Variants in PIK3C2G observed in about 807,000 individuals in gnomAD.
PIK3C2G encodes phosphatidylinositol 3-kinase C2 domain-containing subunit gamma.
Under a neutral mutation model 181.1 loss-of-function variants are expected in PIK3C2G, and 168 were observed. That is an observed-to-expected ratio of 0.93 (90% CI 0.82 to 1.05). The LOEUF (loss-of-function observed/expected upper bound fraction) is 1.05, where lower values mean the gene tolerates loss of function less well. Ranked by LOEUF, PIK3C2G falls within the 50% of genes least tolerant of loss-of-function variation. The pLI, the probability that PIK3C2G is intolerant of heterozygous loss-of-function variation, is 0.00. For synonymous variants in PIK3C2G, 573 were observed against 592.2 expected (o/e 0.97, Z 0.47); for missense variants, 1,869 against 1,732.8 (o/e 1.08, Z -1.40).
intron 10 of PIK3C2G, 37 bp downstream of exon 10, chr12:18,343,397 GAAAA>G: frequency 8.9e-7 from 1 of 1,118,942 alleles, no homozygotes; most frequent in Non-Finnish European, 1.3e-6. Context: ...TTGAAATAAA[GAAAA>G]AAATAAGTTA....
chr12:18,713,143 C>G, the PIK3C2G span, among the ~76,000 whole-genome samples: 1 of 152,064 alleles, frequency 6.6e-6, no homozygotes, highest in Non-Finnish European at 1.5e-5. Flanking sequence ...AGTTTTGAGT[C>G]TCTAGAAATT....
chr12:18,716,700 C>G, the PIK3C2G span, among the ~76,000 whole-genome samples: 1 of 152,172 alleles, frequency 6.6e-6, no homozygotes, highest in Non-Finnish European at 1.5e-5. Flanking sequence ...CCACTCTTAA[C>G]TTTATTTCAT....
At chr12:18,450,201 A>G (rs1468729910) in intron 18 of PIK3C2G, among the ~76,000 whole-genome samples, 3 of 152,196 alleles carry the variant, frequency 2.0e-5, no homozygotes, top group Non-Finnish European at 4.4e-5. Flanking sequence ...ATCTCAGCTC[A>G]CCGCAACCTC....
rs766855477 is a variant in PIK3C2G at position 18,503,278 on chromosome 12, C to G, written c.3017-3C>G. 69 of 1,584,430 alleles carry G rather than the reference C, an allele frequency of 4.4e-5. No individual in the cohort carries two copies. The highest frequency in any genetic ancestry group is 5.9e-5 in the Non-Finnish European group (69 of 1,168,514). On this transcript the variant is annotated splice_region_variant and splice_polypyrimidine_tract_variant and intron_variant, in intron 22 of 32. Transcript: ENST00000538779. ...TCTCTGTAATCTTTTTTTTCTCTACCAGGATTGGTGCAGATGGTACCTGAT... is the reference window on the plus strand; with the variant it reads ...TCTCTGTAATCTTTTTTTTCTCTACGAGGATTGGTGCAGATGGTACCTGAT...
rs892551107 is a variant in PIK3C2G at position 18,282,796 on chromosome 12, T to C, written c.678+37T>C. 1.1e-5 allele frequency: 14 copies of C among 1,311,982 alleles called. No homozygotes were observed. The African/African-American group carries it at 1.6e-4, about 15-fold the overall frequency. 81.3% of individuals were successfully genotyped at this position (1,311,982 alleles called of 1,614,324 possible). ...ACATGTCAATGTAAAAATATGAATC[T>C]GAAAGAATCATTCAATAATGTATTG... is the stretch of plus-strand genomic sequence containing the variant. On this transcript the variant is annotated intron_variant, in intron 2 of 32. Transcript: ENST00000538779.
intron 31 of PIK3C2G, among the ~76,000 whole-genome samples, chr12:18,628,085 G>A (rs1208924751): frequency 1.3e-5 from 2 of 151,974 alleles, no homozygotes; most frequent in African/African-American, 2.4e-5. Context: ...GTCTTTCTTT[G>A]TAGTGAATCA....
the PIK3C2G span, among the ~76,000 whole-genome samples, chr12:18,710,151 T>G: frequency 4.0e-5 from 6 of 149,452 alleles, no homozygotes; most frequent in Non-Finnish European, 8.9e-5. Context: ...ATAGAAAGCA[T>G]TGCATTTTGT....
At chr12:18,507,280 C>T (rs910824613) in intron 24 of PIK3C2G, among the ~76,000 whole-genome samples, 14 of 152,064 alleles carry the variant, frequency 9.2e-5, no homozygotes, top group South Asian at 2.1e-4. Flanking sequence ...TCTCCTGCCT[C>T]GGCCTCCCAA....
At position 18,286,929 on chromosome 12, in the gene PIK3C2G, A is replaced by C; in HGVS notation, c.761A>C (p.Lys254Thr). 2 of 1,521,114 alleles carry C rather than the reference A, an allele frequency of 1.3e-6. No homozygotes were observed. The highest frequency in any genetic ancestry group is 2.5e-5 in the South Asian group (2 of 80,490). The allele number at this position is 1,521,114 out of a possible 1,614,324, so 94.2% of individuals were successfully genotyped here. A position where few individuals can be genotyped will look rare whatever the true frequency, so the allele number is the denominator to read the frequency against. The change falls in exon 3 of 33, where the codon AAA (lysine) becomes ACA (threonine). Residue 254 changes from lysine to threonine, a missense_variant and splice_region_variant. By Grantham distance (78) the Lys-to-Thr change is moderately conservative. Coordinates refer to ENST00000538779, the MANE Select transcript of PIK3C2G (RefSeq NM_001288772.2). ...SLASFCNKVK[K>T]IRERYHAADV... The stretch of plus-strand genomic sequence containing the variant: ...GCCTCTTTTTGCAACAAAGTAAAAA[A>C]GTGAGTACTGGTATTTCATTAAACT...
At chr12:18,655,920 C>G in the PIK3C2G span, among the ~76,000 whole-genome samples, 1 of 152,174 alleles carries the variant, frequency 6.6e-6, no homozygotes, top group African/African-American at 2.4e-5. Context: ...AATGTGGTAC[C>G]CTGGATGGGA....
At chr12:18,688,268 T>A in the PIK3C2G span, 1 of 1,540,298 alleles carries the variant, frequency 6.5e-7, no homozygotes, top group East Asian at 2.3e-5. Context: ...TTAAGTTACA[T>A]CACCATTTAT....
the PIK3C2G span, among the ~76,000 whole-genome samples, chr12:18,708,799 T>A: frequency 6.8e-3 from 1,041 of 152,280 alleles, 5 homozygotes; most frequent in African/African-American, 0.023. Context: ...TTGTTGGCCA[T>A]TTTTATGTCT....
chr12:18,398,214 C>T (rs373709834), intron 15 of PIK3C2G, among the ~76,000 whole-genome samples: 1 of 151,880 alleles, frequency 6.6e-6, no homozygotes, highest in African/African-American at 2.4e-5. Context: ...TGCGGAATGT[C>T]CTTGAATGTG....
At chr12:18,246,517 G>C (rs556063567), upstream of PIK3C2G, among the ~76,000 whole-genome samples, 4 of 151,942 alleles carry the variant, frequency 2.6e-5, no homozygotes, top group African/African-American at 9.6e-5. Flanking sequence ...TCAAAGATCT[G>C]GGTTAGATTC....
At chr12:18,650,704 G>GTATATATATATA (rs1361372584), downstream of PIK3C2G, among the ~76,000 whole-genome samples, 1 of 57,764 alleles carries the variant, frequency 1.7e-5, no homozygotes, top group Non-Finnish European at 4.0e-5. Context: ...GTGTGTGTGT[G>GTATATATATATA]TATATATCTA....
intron 30 of PIK3C2G, among the ~76,000 whole-genome samples, chr12:18,608,680 A>G (rs1948184143): frequency 6.6e-6 from 1 of 152,190 alleles, no homozygotes; most frequent in Non-Finnish European, 1.5e-5. Flanking sequence ...CACGTTGTGC[A>G]CATGTACCCT....
intron 18 of PIK3C2G, among the ~76,000 whole-genome samples, chr12:18,458,767 G>T (rs1465702033): frequency 3.3e-5 from 5 of 151,756 alleles, no homozygotes; most frequent in Middle Eastern, 6.8e-3. Flanking sequence ...ATGCTCTGTG[G>T]CTGACTTTGA....
the PIK3C2G span, among the ~76,000 whole-genome samples, chr12:18,662,049 T>G: frequency 2.0e-5 from 3 of 152,096 alleles, no homozygotes; most frequent in South Asian, 6.2e-4. Context: ...CTGCGTGTTC[T>G]CCCGTATTAA....
chr12:18,419,796 T>C (rs1480183353), intron 16 of PIK3C2G, among the ~76,000 whole-genome samples: 1 of 152,158 alleles, frequency 6.6e-6, no homozygotes, highest in Non-Finnish European at 1.5e-5. Context: ...GTAACTTGCT[T>C]AGCATTCCAT....
Sources: gnomAD v4.1 joint callset for allele counts (sites outside exome capture counted in the v4.1 genomes callset) on GRCh38, gnomAD v4.1.1 for gene constraint, MANE v1.5 for transcripts, NCBI Gene and HGNC (gene_info 2026-07-23, HGNC 2026-07-21) for gene names.